ARMC9: variants seen among roughly 807,000 people sequenced by gnomAD.
ARMC9 encodes the protein lisH domain-containing protein ARMC9.
A neutral mutation model predicts 107.0 loss-of-function variants in ARMC9; 94 were observed. That is an observed-to-expected ratio of 0.88 (90% CI 0.74 to 1.04). The LOEUF is 1.04. Ranked by LOEUF, ARMC9 falls within the 50% of genes least tolerant of loss-of-function variation. The probability of loss-of-function intolerance (pLI) is 0.00; values close to 1 mark genes in which losing one functional copy is unlikely to be tolerated. For synonymous variants in ARMC9, 380 were observed against 396.9 expected (o/e 0.96, Z 0.51); for missense variants, 942 against 1,030.1 (o/e 0.91, Z 1.17).
At chr2:231,363,152 G>A (rs2045661195) in intron 23 of ARMC9, among the ~76,000 whole-genome samples, 1 of 152,226 alleles carries the variant, frequency 6.6e-6, no homozygotes, top group South Asian at 2.1e-4. Flanking sequence ...TGCACAGAGT[G>A]CCAGGAGTGC....
intron 3 of ARMC9, among the ~76,000 whole-genome samples, chr2:231,209,597 A>G (rs1277572294): frequency 6.6e-6 from 1 of 152,024 alleles, no homozygotes; most frequent in East Asian, 1.9e-4. Flanking sequence ...GTGCAGTGGC[A>G]GGATCTTGGC....
chr2:231,327,259 T>C (rs2043391261), intron 19 of ARMC9, among the ~76,000 whole-genome samples: 1 of 152,184 alleles, frequency 6.6e-6, no homozygotes, highest in Admixed American at 6.5e-5. Flanking sequence ...TTTTTTAATT[T>C]TTAACTCTTC....
chr2:231,316,364 A>G (rs2042679487), intron 19 of ARMC9, among the ~76,000 whole-genome samples: 2 of 151,914 alleles, frequency 1.3e-5, no homozygotes, highest in Non-Finnish European at 2.9e-5. Context: ...TTCACTGCAT[A>G]TAGAATTCTT....
chr2:231,343,209 G>C (rs1377032438), intron 20 of ARMC9, among the ~76,000 whole-genome samples: 1 of 151,698 alleles, frequency 6.6e-6, no homozygotes, highest in Non-Finnish European at 1.5e-5. Flanking sequence ...CACTGTACCC[G>C]GACCAGGGCA....
chr2:231,212,891 C>A (rs1023727421), intron 3 of ARMC9, among the ~76,000 whole-genome samples: 5 of 152,328 alleles, frequency 3.3e-5, no homozygotes, highest in Non-Finnish European at 7.3e-5. Flanking sequence ...TTGAAAAATT[C>A]TGAGTTTACT....
chr2:231,292,882 C>CT (rs2041113047), intron 18 of ARMC9, among the ~76,000 whole-genome samples: 1 of 152,220 alleles, frequency 6.6e-6, no homozygotes, highest in Non-Finnish European at 1.5e-5. Flanking sequence ...ACAGGGCGGT[C>CT]ACCTGGGGAG....
At position 231,206,286 on chromosome 2, in the gene ARMC9, A is replaced by G. The variant is rs772362877; in HGVS notation, c.48A>G (p.Lys16=). ...AATCTGAATTACTTGGACTAGTGAA[A>G]GAGGTAGGTATATTATACAAAGCAG... ...AHESELLGLV[K]EYLDFAEFED... The change falls in exon 2 of 25, where the codon AAA becomes AAG. Residue 16 remains lysine (K), a synonymous_variant. Transcript: ENST00000611582. 5 of 1,613,038 alleles carry G rather than the reference A, an allele frequency of 3.1e-6. No individual in the cohort carries two copies. In the East Asian group the frequency reaches 1.1e-4, roughly 36 times the overall value.
chr2:231,253,046 T>C (rs1359872005), intron 9 of ARMC9, among the ~76,000 whole-genome samples: 1 of 152,206 alleles, frequency 6.6e-6, no homozygotes, highest in Non-Finnish European at 1.5e-5. Flanking sequence ...GGTTAAAAAG[T>C]ATAAAAACAT....
intron 11 of ARMC9, among the ~76,000 whole-genome samples, chr2:231,261,311 C>G (rs920776819): frequency 9.9e-5 from 15 of 152,230 alleles, no homozygotes; most frequent in Non-Finnish European, 1.6e-4. Context: ...AAATTTTCTT[C>G]TAGCCCTGTG....
At chr2:231,234,754 C>T (rs568549486) in intron 7 of ARMC9, among the ~76,000 whole-genome samples, 2 of 152,274 alleles carry the variant, frequency 1.3e-5, no homozygotes, top group African/African-American at 2.4e-5. Flanking sequence ...TAGGCGAGCA[C>T]CACCATGCCT....
intron 8 of ARMC9, among the ~76,000 whole-genome samples, chr2:231,237,345 A>G (rs564109339): frequency 1.4e-4 from 21 of 152,244 alleles, no homozygotes; most frequent in African/African-American, 5.1e-4. Flanking sequence ...TTTAATTCTT[A>G]TACACAATTG....
chr2:231,363,344 G>T (rs140469850), intron 23 of ARMC9, among the ~76,000 whole-genome samples: 7 of 152,360 alleles, frequency 4.6e-5, no homozygotes, highest in East Asian at 3.9e-4. Context: ...CCCAGAAGAA[G>T]AATTGGTGGA....
intron 13 of ARMC9, among the ~76,000 whole-genome samples, chr2:231,272,530 G>GTTTT (rs2039427587): frequency 6.7e-6 from 1 of 150,088 alleles, no homozygotes; most frequent in Non-Finnish European, 1.5e-5. Flanking sequence ...TTGTTTGTTT[G>GTTTT]TTTTGAGATG....
intron 9 of ARMC9, among the ~76,000 whole-genome samples, chr2:231,248,094 C>T (rs1317561042): frequency 5.3e-5 from 8 of 152,210 alleles, no homozygotes; most frequent in Admixed American, 5.2e-4. Flanking sequence ...AACTTTTCCT[C>T]CACACAGGTG....
intron 22 of ARMC9, among the ~76,000 whole-genome samples, chr2:231,357,967 C>T (rs192774407): frequency 6.6e-6 from 1 of 152,196 alleles, no homozygotes; most frequent in Non-Finnish European, 1.5e-5. Context: ...ATGAGTAAGC[C>T]TTTGCCACGC....
chr2:231,315,844 T>G (rs1000862966), intron 19 of ARMC9, among the ~76,000 whole-genome samples: 2 of 152,252 alleles, frequency 1.3e-5, no homozygotes, highest in Non-Finnish European at 2.9e-5. Flanking sequence ...TTAAGTAATA[T>G]ATGTACTGCT....
intron 9 of ARMC9, among the ~76,000 whole-genome samples, chr2:231,248,806 C>CAAAAA (rs35234269): frequency 2.6e-5 from 1 of 38,016 alleles, no homozygotes; most frequent in Non-Finnish European, 5.0e-5. Context: ...GGTTCTGTCT[C>CAAAAA]AAAAAAAAAA....
At chr2:231,273,143 C>A (rs528470000) in intron 14 of ARMC9, 65 bp downstream of exon 14, 4 of 1,557,472 alleles carry the variant, frequency 2.6e-6, no homozygotes, top group Non-Finnish European at 3.5e-6. Flanking sequence ...ATTCCCATGG[C>A]AACCCAGGAG....
intron 19 of ARMC9, among the ~76,000 whole-genome samples, chr2:231,307,294 G>A (rs567365947): frequency 1.1e-4 from 17 of 152,222 alleles, no homozygotes; most frequent in African/African-American, 3.9e-4. Context: ...AATTTCAGTG[G>A]GCTCTCGAGC....
Sources: gnomAD v4.1 joint callset for allele counts (sites outside exome capture counted in the v4.1 genomes callset) on GRCh38, gnomAD v4.1.1 for gene constraint, MANE v1.5 for transcripts, NCBI Gene and HGNC (gene_info 2026-07-23, HGNC 2026-07-21) for gene names.